The following FBXL17 variants were observed in gnomAD, a reference collection of about 807,000 sequenced individuals.
FBXL17 encodes the protein F-box/LRR-repeat protein 17.
In FBXL17, 22 loss-of-function variants were observed where a neutral mutation model predicts 66.2. That is an observed-to-expected ratio of 0.33 (90% confidence interval 0.24 to 0.47). The LOEUF (loss-of-function observed/expected upper bound fraction) is 0.47. Ranked by LOEUF, FBXL17 falls within the 20% of genes least tolerant of loss-of-function variation. FBXL17 has a pLI of 1.00. For synonymous variants in FBXL17, 474 were observed against 400.5 expected (o/e 1.18, Z -2.19); for missense variants, 878 against 948.2 (o/e 0.93, Z 0.97).
At chr5:108,336,248 T>A (rs890441785) in intron 4 of FBXL17, among the ~76,000 whole-genome samples, 2 of 152,210 alleles carry the variant, frequency 1.3e-5, no homozygotes, top group Non-Finnish European at 2.9e-5. Context: ...TCTCAAAGCA[T>A]GCAATGCCGG....
chr5:107,879,435 T>A, intron 8 of FBXL17: 1 of 985,414 alleles, frequency 1.0e-6, no homozygotes, highest in Non-Finnish European at 1.2e-6. Context: ...GTGGAAAGAT[T>A]TGTGGGAGAC....
At chr5:108,195,768 G>T (rs1392698121) in intron 5 of FBXL17, among the ~76,000 whole-genome samples, 1 of 152,114 alleles carries the variant, frequency 6.6e-6, no homozygotes, top group Non-Finnish European at 1.5e-5. Flanking sequence ...AGTGATTTTG[G>T]CTATACAGTA....
chr5:108,132,097 CTCCCTAGTA>C (rs1246515184), intron 6 of FBXL17, among the ~76,000 whole-genome samples: 1 of 151,968 alleles, frequency 6.6e-6, no homozygotes, highest in East Asian at 1.9e-4. Flanking sequence ...CTGCCTCAGC[CTCCCTAGTA>C]TCTGGGATTA....
rs556274206 is a variant in FBXL17, at chr5:107,963,330, T to G, written c.1822+57595A>C. ...AGTCCCCTGGTCCCAAAATGGGAAA[T>G]GAGAAATTAAACAAAACTCTGTGTG... On this transcript the variant is annotated intron_variant, in intron 7 of 8. Coordinates refer to ENST00000542267, the MANE Select transcript of FBXL17 (RefSeq NM_001163315.3). 1.5e-4 allele frequency among the ~76,000 whole-genome samples: 23 copies of G among 152,124 alleles called. No individual in the cohort carries two copies. In the East Asian group the frequency reaches 4.3e-3, roughly 28 times the overall value.
Position 107,889,070 on chromosome 5 carries a change from T to A in FBXL17, c.1823-7891A>T, listed in dbSNP as rs73780449. Among the ~76,000 whole-genome samples the A allele has an allele frequency of 3.5e-3, 528 of 152,270 alleles. 2 individuals are homozygous for A. The highest frequency in any genetic ancestry group is 0.012 in the African/African-American group (504 of 41,540). On this transcript the variant is annotated intron_variant, in intron 7 of 8. Coordinates refer to ENST00000542267, the MANE Select transcript of FBXL17 (RefSeq NM_001163315.3). ...GTAGTACCTTCTCGTGGGTTTTAATTTCCATTTCCCTAAGGATTAATGGTA... is the reference window on the plus strand; with the variant it reads ...GTAGTACCTTCTCGTGGGTTTTAATATCCATTTCCCTAAGGATTAATGGTA...
At chr5:108,202,602 T>C (rs1163587541) in intron 5 of FBXL17, among the ~76,000 whole-genome samples, 2 of 152,156 alleles carry the variant, frequency 1.3e-5, no homozygotes, top group African/African-American at 2.4e-5. Context: ...ATCTATACTA[T>C]ATTTTTTCCT....
At chr5:108,094,620 C>CAT (rs1364212336) in intron 6 of FBXL17, among the ~76,000 whole-genome samples, 1 of 152,062 alleles carries the variant, frequency 6.6e-6, no homozygotes, top group Non-Finnish European at 1.5e-5. Flanking sequence ...GGACAAATAA[C>CAT]ATAAAGTTGC....
intron 7 of FBXL17, among the ~76,000 whole-genome samples, chr5:107,915,558 A>G (rs79460512): frequency 6.6e-6 from 1 of 152,334 alleles, no homozygotes; most frequent in East Asian, 1.9e-4. Context: ...GAAAGTAATG[A>G]GATGTTTTCC....
intron 6 of FBXL17, among the ~76,000 whole-genome samples, chr5:108,117,501 T>A (rs1032364798): frequency 1.1e-4 from 17 of 152,308 alleles, no homozygotes; most frequent in African/African-American, 4.1e-4. Context: ...TTATGAAAAC[T>A]TGGCTTTATA....
chr5:108,075,524 T>A (rs1484203767), intron 6 of FBXL17, among the ~76,000 whole-genome samples: 1 of 152,228 alleles, frequency 6.6e-6, no homozygotes, highest in Non-Finnish European at 1.5e-5. Flanking sequence ...TTGCCCAGGC[T>A]GGAGTGCAAT....
chr5:108,326,241 A>G (rs893168794), intron 4 of FBXL17, among the ~76,000 whole-genome samples: 5 of 152,152 alleles, frequency 3.3e-5, no homozygotes, highest in African/African-American at 7.2e-5. Flanking sequence ...ACAAGAACTT[A>G]TATCAAAAAT....
chr5:108,360,799 T>C (rs900525549), intron 3 of FBXL17, among the ~76,000 whole-genome samples: 3 of 152,096 alleles, frequency 2.0e-5, no homozygotes, highest in Non-Finnish European at 4.4e-5. Context: ...TTTCTCTTTC[T>C]TAGACTCAAT....
At chr5:108,108,919 G>A in intron 6 of FBXL17, among the ~76,000 whole-genome samples, 1 of 151,882 alleles carries the variant, frequency 6.6e-6, no homozygotes. Context: ...GAGTAGCTGG[G>A]ATTACAGGCA....
At chr5:108,198,651 G>T (rs1019111672) in intron 5 of FBXL17, among the ~76,000 whole-genome samples, 4 of 152,134 alleles carry the variant, frequency 2.6e-5, no homozygotes, top group African/African-American at 9.7e-5. Context: ...CACTGAATCA[G>T]ATCACATTTG....
At chr5:108,011,325 T>C (rs544132084) in intron 7 of FBXL17, among the ~76,000 whole-genome samples, 3 of 152,334 alleles carry the variant, frequency 2.0e-5, no homozygotes, top group South Asian at 4.1e-4. Flanking sequence ...TTTGATACTT[T>C]AGAAGAAAGG....
At chr5:108,176,289 A>G (rs1346513353) in intron 6 of FBXL17, among the ~76,000 whole-genome samples, 1 of 152,216 alleles carries the variant, frequency 6.6e-6, no homozygotes, top group Non-Finnish European at 1.5e-5. Flanking sequence ...ATGTTTAAAT[A>G]CTGCAAGCTA....
chr5:108,056,290 T>A (rs532353972), intron 6 of FBXL17, among the ~76,000 whole-genome samples: 1 of 152,196 alleles, frequency 6.6e-6, no homozygotes, highest in East Asian at 1.9e-4. Context: ...GGTCAGAGAC[T>A]TGCCTCTCAA....
At chr5:108,068,664 A>C (rs1748212320) in intron 6 of FBXL17, among the ~76,000 whole-genome samples, 1 of 151,932 alleles carries the variant, frequency 6.6e-6, no homozygotes, top group Non-Finnish European at 1.5e-5. Flanking sequence ...TCACGGTGTT[A>C]GCCAGGATGG....
intron 5 of FBXL17, among the ~76,000 whole-genome samples, chr5:108,203,312 T>A (rs1281130185): frequency 8.5e-5 from 13 of 152,106 alleles, no homozygotes; most frequent in Admixed American, 8.5e-4. Context: ...GCAGAGAGAT[T>A]AGGTGATTTG....
Sources: allele counts gnomAD v4.1 joint callset (sites outside exome capture counted in the v4.1 genomes callset), GRCh38; gene constraint gnomAD v4.1.1; transcripts MANE v1.5; gene names NCBI Gene and HGNC (gene_info 2026-07-23, HGNC 2026-07-21).